MIR17HG: variants seen among roughly 807,000 people sequenced by gnomAD.
The protein encoded by MIR17HG is miR-17-92a-1 cluster host gene, also known as MIR17 host gene (non-protein coding).
At chr13:91,352,986 T>TTTA (rs1875400480) in intron 3 of MIR17HG, among the ~76,000 whole-genome samples, 1 of 151,806 alleles carries the variant, frequency 6.6e-6, no homozygotes, top group African/African-American at 2.4e-5. Context: ...GGCGTGCACC[T>TTTA]GTAATCCCAG....
At chr13:91,348,795 C>G (rs554953673) in intron 1 of MIR17HG, among the ~76,000 whole-genome samples, 1 of 150,118 alleles carries the variant, frequency 6.7e-6, no homozygotes, top group Non-Finnish European at 1.5e-5. Flanking sequence ...GCGGGGCGGG[C>G]TGCACGGGGG....
At chr13:91,348,652 G>C (rs1407103351) in intron 1 of MIR17HG, among the ~76,000 whole-genome samples, 2 of 150,874 alleles carry the variant, frequency 1.3e-5, no homozygotes, top group African/African-American at 2.4e-5. Context: ...CTTCCCCGCC[G>C]TGGCCCTCGG....
intron 3 of MIR17HG, among the ~76,000 whole-genome samples, chr13:91,352,662 A>G (rs1875377077): frequency 6.6e-6 from 1 of 152,228 alleles, no homozygotes; most frequent in South Asian, 2.1e-4. Flanking sequence ...AGTTGATGAA[A>G]ACATAAATTT....
At chr13:91,352,590 A>G (rs1875373160) in intron 3 of MIR17HG, among the ~76,000 whole-genome samples, 1 of 152,212 alleles carries the variant, frequency 6.6e-6, no homozygotes, top group Admixed American at 6.5e-5. Flanking sequence ...GTGTTCTTTA[A>G]GAAATTTAAG....
chr13:91,351,297 A>C (rs770733281), intron 3 of MIR17HG: 1 of 531,678 alleles, frequency 1.9e-6, no homozygotes, highest in Non-Finnish European at 3.9e-6. Flanking sequence ...GTAGAAAAGT[A>C]AGGGAAACTC....
chr13:91,349,186 C>T (rs1441390265), intron 1 of MIR17HG, among the ~76,000 whole-genome samples: 1 of 152,108 alleles, frequency 6.6e-6, no homozygotes, highest in African/African-American at 2.4e-5. Flanking sequence ...TGTTCCTGCC[C>T]GGTCTTCTGT....
intron 3 of MIR17HG, among the ~76,000 whole-genome samples, chr13:91,353,209 T>A (rs572335980): frequency 1.3e-5 from 2 of 151,860 alleles, no homozygotes; most frequent in African/African-American, 4.8e-5. Context: ...GCAATTTTTT[T>A]AAAAACTGGA....
intron 1 of MIR17HG, among the ~76,000 whole-genome samples, chr13:91,348,702 C>T (rs1359102192): frequency 6.6e-6 from 1 of 150,668 alleles, no homozygotes. Flanking sequence ...GTGGAGCCGC[C>T]TGCGCCCGGC....
chr13:91,349,510 C>T (rs1341854304), intron 1 of MIR17HG, among the ~76,000 whole-genome samples: 3 of 152,002 alleles, frequency 2.0e-5, no homozygotes, highest in Non-Finnish European at 4.4e-5. Flanking sequence ...TATTCTCTTA[C>T]GTATTTTTCA....
chr13:91,350,728 G>A (rs1445832567), intron 3 of MIR17HG: 4 of 534,112 alleles, frequency 7.5e-6, no homozygotes, highest in Admixed American at 1.9e-5. Context: ...AAAGTGCAGG[G>A]CCTGCTGATG....
chr13:91,350,757 A>T (rs1198460870), intron 3 of MIR17HG: 1 of 534,466 alleles, frequency 1.9e-6, no homozygotes, highest in Non-Finnish European at 3.8e-6. Flanking sequence ...TTTTTGTTCT[A>T]AGGTGCATCT....
intron 1 of MIR17HG, chr13:91,348,082 CG>C (rs1353063448): frequency 1.4e-5 from 2 of 138,440 alleles, no homozygotes; most frequent in East Asian, 4.5e-4. Context: ...GCGGCGTGGC[CG>C]GGGCGGGTCT....
chr13:91,354,547 C>T (rs551332164), exon 4 of MIR17HG: 11 of 152,058 alleles, frequency 7.2e-5, no homozygotes, highest in African/African-American at 1.7e-4. Flanking sequence ...TTGTCCAGAA[C>T]GAGAATATTG....
chr13:91,347,776 T>TG (rs1555298732), upstream of MIR17HG: 1 of 150,734 alleles, frequency 6.6e-6, no homozygotes, highest in Non-Finnish European at 1.5e-5. Context: ...GCCGAGGGGG[T>TG]GGGGACGACT....
At chr13:91,348,934 G>A (rs1286103928) in intron 1 of MIR17HG, among the ~76,000 whole-genome samples, 10 of 149,396 alleles carry the variant, frequency 6.7e-5, no homozygotes, top group Admixed American at 1.3e-4. Context: ...GGGGGGGCTG[G>A]GGGACACAAA....
intron 3 of MIR17HG, among the ~76,000 whole-genome samples, chr13:91,353,405 T>C (rs1206704368): frequency 1.3e-5 from 2 of 152,164 alleles, no homozygotes; most frequent in African/African-American, 4.8e-5. Flanking sequence ...TAAATGTGTA[T>C]GTTTTGTTGT....
intron 1 of MIR17HG, among the ~76,000 whole-genome samples, chr13:91,348,189 T>C (rs927622402): frequency 9.2e-5 from 2 of 21,668 alleles, no homozygotes; most frequent in African/African-American, 1.8e-4. Flanking sequence ...GGCGGGAGGG[T>C]GGGAGGGGGC....
intron 1 of MIR17HG, chr13:91,348,103 G>A: frequency 7.1e-6 from 1 of 140,730 alleles, no homozygotes; most frequent in Non-Finnish European, 1.6e-5. Context: ...TCGGCCGTTG[G>A]CCGCCCCGGC....
At chr13:91,351,563 A>G (rs1875317605) in intron 3 of MIR17HG, 5 of 332,008 alleles carry the variant, frequency 1.5e-5, no homozygotes, top group South Asian at 1.2e-4. Flanking sequence ...TGCGTGTCAG[A>G]TTTGGCAGTA....
Sources: allele counts gnomAD v4.1 joint callset (sites outside exome capture counted in the v4.1 genomes callset), GRCh38; gene constraint gnomAD v4.1.1; transcripts MANE v1.5; gene names NCBI Gene and HGNC (gene_info 2026-07-23, HGNC 2026-07-21).